The following HDAC9 variants were observed in gnomAD, a reference collection of about 807,000 sequenced individuals.
HDAC9 encodes the protein histone deacetylase 9.
HDAC9 carries 41 observed loss-of-function variants against 139.4 expected under a neutral mutation model. The ratio of observed to expected loss-of-function variants is 0.29; its 90% confidence interval spans 0.23 to 0.38. HDAC9 has a LOEUF of 0.38. HDAC9 is among the 10% of genes least tolerant of loss of function. HDAC9 has a pLI of 1.00. For synonymous variants in HDAC9, 517 were observed against 476.2 expected, an observed-to-expected ratio of 1.09 and a Z score of -1.12; for missense variants, 1,147 against 1,297.0, an observed-to-expected ratio of 0.88 and a Z score of 1.78.
At chr7:18,210,944 T>C (rs551952988) in intron 2 of HDAC9, among the ~76,000 whole-genome samples, 5 of 152,244 alleles carry the variant, frequency 3.3e-5, no homozygotes, top group South Asian at 4.1e-4. Flanking sequence ...ATGTCAAGGG[T>C]AGGACATTTT....
intron 17 of HDAC9, among the ~76,000 whole-genome samples, chr7:18,810,860 T>C (rs920357588): frequency 3.9e-5 from 6 of 151,902 alleles, no homozygotes; most frequent in African/African-American, 4.8e-5. Flanking sequence ...CTTTTACTGC[T>C]GAGTAGTATT....
intron 22 of HDAC9, among the ~76,000 whole-genome samples, chr7:18,917,421 A>C (rs1310102262): frequency 1.3e-5 from 2 of 152,008 alleles, no homozygotes; most frequent in African/African-American, 4.8e-5. Flanking sequence ...CTCACAAATA[A>C]ATTGAAAATA....
At chr7:18,652,749 C>T (rs1789713164) in intron 11 of HDAC9, among the ~76,000 whole-genome samples, 1 of 151,822 alleles carries the variant, frequency 6.6e-6, no homozygotes, top group East Asian at 1.9e-4. Flanking sequence ...CCATTAAATC[C>T]ATAAGAGCAG....
chr7:18,584,743 T>C (rs1308191144), intron 2 of HDAC9, among the ~76,000 whole-genome samples: 1 of 152,230 alleles, frequency 6.6e-6, no homozygotes, highest in Non-Finnish European at 1.5e-5. Flanking sequence ...TTTCCACATT[T>C]TAGCATGCAG....
chr7:18,789,286 G>GCGCGCACACACACACACA (rs146066951), intron 16 of HDAC9, among the ~76,000 whole-genome samples: 11,562 of 148,220 alleles, frequency 0.078, 537 homozygotes, highest in South Asian at 0.13. Flanking sequence ...ACACATACAC[G>GCGCGCACACACACACACA]CACACACACA....
rs796851366 is a variant in HDAC9 at position 18,732,909 on chromosome 7, G to A, written c.1909+5152G>A. Among the ~76,000 whole-genome samples, 7 of 115,120 alleles carry A rather than the reference G, an allele frequency of 6.1e-5. 1 individual carries two copies. The highest frequency in any genetic ancestry group is 3.9e-4 in the East Asian group (1 of 2,596). 75.5% of individuals were successfully genotyped at this position (115,120 alleles called of 152,430 possible). On this transcript the variant is annotated intron_variant, in intron 13 of 25. Transcript: ENST00000686413. ...CGTATGTGTACACACACACGTGTGCGTATGTGTATACACACGTGTGTATGT... is the reference window on the plus strand; with the variant it reads ...CGTATGTGTACACACACACGTGTGCATATGTGTATACACACGTGTGTATGT...
At chr7:18,158,672 T>C (rs866672690) in intron 1 of HDAC9, among the ~76,000 whole-genome samples, 1 of 152,334 alleles carries the variant, frequency 6.6e-6, no homozygotes, top group Middle Eastern at 3.4e-3. Context: ...TCAGAAGAGA[T>C]ACTCCATGTG....
intron 16 of HDAC9, among the ~76,000 whole-genome samples, chr7:18,779,344 GA>G (rs1791049381): frequency 6.6e-6 from 1 of 151,856 alleles, no homozygotes; most frequent in South Asian, 2.1e-4. Context: ...AGGGAGAAGG[GA>G]AAACACCCAT....
At chr7:18,736,904 A>C (rs1485045997) in intron 13 of HDAC9, among the ~76,000 whole-genome samples, 1 of 152,154 alleles carries the variant, frequency 6.6e-6, no homozygotes, top group Non-Finnish European at 1.5e-5. Context: ...TATTGCCTCA[A>C]TTTCGGAGCC....
Position 18,135,491 on chromosome 7 carries a change from C to T in HDAC9, c.-96-26738C>T, listed in dbSNP as rs865982594. 2.8e-4 allele frequency among the ~76,000 whole-genome samples: 37 copies of T among 130,766 alleles called. No homozygotes were observed. The South Asian group carries it at 1.0e-2, about 35-fold the overall frequency. 85.8% of individuals were successfully genotyped at this position (130,766 alleles called of 152,430 possible). On this transcript the variant is annotated intron_variant, in intron 1 of 12. Transcript: ENST00000417496. The stretch of plus-strand genomic sequence containing the variant: ...CAACTGTCCCCAGAGTGTGATATTC[C>T]CCTTCCTGTGTCCATGTGATCTCAT...
In HDAC9 at chr7:18,997,485, A is replaced by C. The variant is rs1786534572; in HGVS notation, c.*1423A>C. 6.6e-6 allele frequency: 1 copy of C among 152,182 alleles called. No individual in the cohort carries two copies. The highest frequency in any genetic ancestry group is 1.5e-5 in the Non-Finnish European group (1 of 68,014). 9.4% of individuals were successfully genotyped at this position (152,182 alleles called of 1,614,324 possible). ...AAACACCTAAACATATTGAGGTAGA[A>C]TATCTCACAGTATTTAATATCTGAC... On this transcript the variant is annotated 3_prime_UTR_variant, in exon 26 of 26. Coordinates refer to ENST00000686413, the MANE Select transcript of HDAC9 (RefSeq NM_178425.4).
chr7:18,321,957 A>T (rs1399923097), intron 1 of HDAC9, among the ~76,000 whole-genome samples: 1 of 152,200 alleles, frequency 6.6e-6, no homozygotes, highest in Non-Finnish European at 1.5e-5. Context: ...TTAACATTTC[A>T]AACTAGTTAA....
intron 8 of HDAC9, among the ~76,000 whole-genome samples, chr7:18,637,843 G>A (rs566184931): frequency 3.0e-4 from 46 of 152,006 alleles, no homozygotes; most frequent in African/African-American, 5.8e-4. Context: ...AGGAGACAGC[G>A]GAATTTAGAC....
At chr7:18,995,964 A>G (rs1786430604) in intron 25 of HDAC9, 59 bp from the exon 26 acceptor site, 1 of 1,322,022 alleles carries the variant, frequency 7.6e-7, no homozygotes, top group East Asian at 2.5e-5. Context: ...ATGCATGAAA[A>G]TCTACAATGT....
chr7:18,310,947 A>T (rs1799276408), intron 1 of HDAC9, among the ~76,000 whole-genome samples: 1 of 152,138 alleles, frequency 6.6e-6, no homozygotes, highest in Non-Finnish European at 1.5e-5. Flanking sequence ...CTATTTCTAA[A>T]AAAAGTTATA....
chr7:18,387,252 C>G (rs1294515853), intron 1 of HDAC9, among the ~76,000 whole-genome samples: 1 of 152,122 alleles, frequency 6.6e-6, no homozygotes, highest in Non-Finnish European at 1.5e-5. Context: ...CATCACTATT[C>G]TTGTTCTATT....
rs1363220933 is a variant in HDAC9 at position 18,996,700 on chromosome 7, G to A, written c.*638G>A. ...TTTTTCAGTATCTCGAAGTCCAAAT[G>A]CCAAAGGAACCTCACACACTGTTTG... On this transcript the variant is annotated 3_prime_UTR_variant, in exon 26 of 26. Transcript: ENST00000686413. The A allele has an allele frequency of 6.6e-6, 1 of 152,126 alleles. No individual in the cohort carries two copies. The highest frequency in any genetic ancestry group is 1.5e-5 in the Non-Finnish European group (1 of 68,058). 9.4% of individuals were successfully genotyped at this position (152,126 alleles called of 1,614,324 possible).
At chr7:18,846,349 A>G (rs1218968451) in intron 21 of HDAC9, among the ~76,000 whole-genome samples, 1 of 152,074 alleles carries the variant, frequency 6.6e-6, no homozygotes, top group African/African-American at 2.4e-5. Flanking sequence ...TGTGACTGGG[A>G]CCCACCCTCA....
chr7:18,598,226 A>G (rs1168574143), intron 6 of HDAC9, among the ~76,000 whole-genome samples: 2 of 152,210 alleles, frequency 1.3e-5, no homozygotes, highest in African/African-American at 2.4e-5. Flanking sequence ...CAAAGATATC[A>G]TTAAAGATGG....
Sources: gnomAD v4.1 joint callset for allele counts (sites outside exome capture counted in the v4.1 genomes callset) on GRCh38, gnomAD v4.1.1 for gene constraint, MANE v1.5 for transcripts, NCBI Gene and HGNC (gene_info 2026-07-23, HGNC 2026-07-21) for gene names.